NCAPH: variants seen among roughly 807,000 people sequenced by gnomAD.
The protein encoded by NCAPH is non-SMC condensin I complex subunit H.
NCAPH carries 38 observed loss-of-function variants against 85.5 expected under a neutral mutation model. The observed-to-expected ratio is 0.44, with a 90% confidence interval of 0.34 to 0.58. The LOEUF (loss-of-function observed/expected upper bound fraction) is 0.58. Ranked by LOEUF, NCAPH falls within the 20% of genes least tolerant of loss-of-function variation. The pLI, the probability that NCAPH is intolerant of heterozygous loss-of-function variation, is 0.01. For missense variants in NCAPH, 789 were observed against 916.6 expected (o/e 0.86, Z 1.80); for synonymous variants, 301 against 335.1 (o/e 0.90, Z 1.11).
At position 96,354,401 on chromosome 2, in the gene NCAPH, G is replaced by A; in HGVS notation, c.1208+13G>A. On this transcript the variant is annotated intron_variant, in intron 9 of 17. Transcript: ENST00000240423. ...TTCAGAGCTGCCAGTAAGGCTCTCA[G>A]AGTCCGAAAGTGTTTCTATAGGAGT... 1.3e-6 allele frequency: 2 copies of A among 1,523,150 alleles called. No individual in the cohort carries two copies. The highest frequency in any genetic ancestry group is 8.8e-7 in the Non-Finnish European group (1 of 1,133,798). 94.4% of individuals were successfully genotyped at this position (1,523,150 alleles called of 1,614,324 possible).
At chr2:96,364,011 C>T (rs1363032971) in intron 12 of NCAPH, among the ~76,000 whole-genome samples, 2 of 152,030 alleles carry the variant, frequency 1.3e-5, no homozygotes, top group African/African-American at 2.4e-5. Flanking sequence ...TGTTGCCCAA[C>T]GCTAGTCTCA....
Position 96,345,629 on chromosome 2 carries a change from C to T in NCAPH, c.720+1400C>T, listed in dbSNP as rs557536137. ...GCAAAGCTGAATGTCCCAGACCCTG[C>T]ATCACAGCCAAGGAGAGAGGGTAGG... On this transcript the variant is annotated intron_variant, in intron 6 of 17. Transcript: ENST00000240423. Among the ~76,000 whole-genome samples the T allele has an allele frequency of 1.8e-4, 27 of 152,284 alleles. No individual in the cohort carries two copies. The South Asian group carries it at 5.2e-3, about 29-fold the overall frequency.
chr2:96,345,188 A>G (rs1274639094), intron 6 of NCAPH, among the ~76,000 whole-genome samples: 1 of 152,150 alleles, frequency 6.6e-6, no homozygotes, highest in African/African-American at 2.4e-5. Flanking sequence ...AAATGAGAAA[A>G]TATTTCAGGG....
chr2:96,371,639 G>A (rs139988234), intron 17 of NCAPH, among the ~76,000 whole-genome samples: 22 of 152,252 alleles, frequency 1.4e-4, no homozygotes, highest in African/African-American at 5.1e-4. Flanking sequence ...AGAATGGTGG[G>A]TGGCTACAGC....
intron 1 of NCAPH, among the ~76,000 whole-genome samples, chr2:96,340,015 C>T (rs1387026891): frequency 2.0e-5 from 3 of 152,106 alleles, no homozygotes; most frequent in Non-Finnish European, 2.9e-5. Context: ...CTCCGTCTCC[C>T]GGGTTCAAGC....
chr2:96,355,335 C>T (rs924482886), intron 9 of NCAPH, among the ~76,000 whole-genome samples: 5 of 152,134 alleles, frequency 3.3e-5, no homozygotes, highest in Admixed American at 6.5e-5. Flanking sequence ...ACTCCTATGT[C>T]TGTAACAGAG....
rs1421261286 is a variant in NCAPH at position 96,344,201 on chromosome 2, A to G, written c.692A>G (p.Asn231Ser). Residue 231 changes from asparagine (N) to serine (S), a missense_variant, in exon 6 of 18, where the codon AAT becomes AGT. Physicochemically the swap from Asn to Ser is conservative, Grantham distance 46 (BLOSUM62 1). Coordinates refer to ENST00000240423, the MANE Select transcript of NCAPH (RefSeq NM_015341.5). ...ATTGAGCAGAACATAAACAACCTCA[A>G]TGTCTCCGAAGCAGATCGGAAGTGT... ...RTIEQNINNLNVSEADRKCEI... is the reference protein window; with the variant it reads ...RTIEQNINNLSVSEADRKCEI... The G allele has an allele frequency of 1.6e-5, 25 of 1,612,688 alleles. No individual in the cohort carries two copies. The highest frequency in any genetic ancestry group is 2.7e-5 in the African/African-American group (2 of 74,852).
At position 96,374,579 on chromosome 2, in the gene NCAPH, C is replaced by T. The variant is rs2064812537; in HGVS notation, c.*1228C>T. 6.6e-6 allele frequency among the ~76,000 whole-genome samples: 1 copy of T among 152,118 alleles called. No individual in the cohort carries two copies. Among genetic ancestry groups the T allele is most frequent in the South Asian group, 2.1e-4 (1 of 4,832 alleles). ...GGAAATTGCTCCTGATAATAACTTC[C>T]TTCTTAGCCAAAAACCACACAAAAC... On this transcript the variant is annotated 3_prime_UTR_variant, in exon 18 of 18. Transcript: ENST00000240423.
intron 12 of NCAPH, among the ~76,000 whole-genome samples, chr2:96,363,024 T>C (rs6737429): frequency 0.32 from 48,104 of 152,088 alleles, 8,142 homozygotes; most frequent in South Asian, 0.69. Context: ...TTGATTGATG[T>C]AGCAAACTTC....
rs2064817880 is a variant in NCAPH at position 96,375,042 on chromosome 2, A to T, written c.*1691A>T. 2.0e-5 allele frequency among the ~76,000 whole-genome samples: 3 copies of T among 151,964 alleles called. No individual in the cohort carries two copies. The highest frequency in any genetic ancestry group is 4.4e-5 in the Non-Finnish European group (3 of 67,912). ...TGGGCAAAATAGAACCCCATCTTTA[A>T]AAAAAAAGTTTAAAAATTAGCCAGG... On this transcript the variant is annotated 3_prime_UTR_variant, in exon 18 of 18. Coordinates refer to ENST00000240423, the MANE Select transcript of NCAPH (RefSeq NM_015341.5).
At chr2:96,350,497 G>A (rs772152) in intron 6 of NCAPH, among the ~76,000 whole-genome samples, 88,635 of 151,664 alleles carry the variant, frequency 0.58, 27,088 homozygotes, top group South Asian at 0.87. Context: ...TTAGGATGGG[G>A]AAAAAAAATA....
chr2:96,364,639 G>A (rs367830162), intron 13 of NCAPH, 48 bp downstream of exon 13: 78 of 1,339,280 alleles, frequency 5.8e-5, no homozygotes, highest in African/African-American at 8.8e-5. Context: ...CCAGGGAGTC[G>A]TTTTTCTCTG....
rs779673173 is a variant in NCAPH, at chr2:96,373,358, T to C, written c.*7T>C. ...TGTGAGGCAAGGAGATTGAGTTCACTATGGAGAAGTCAGCAGCAGGAGGCC... is the reference window on the plus strand; with the variant it reads ...TGTGAGGCAAGGAGATTGAGTTCACCATGGAGAAGTCAGCAGCAGGAGGCC... On this transcript the variant is annotated 3_prime_UTR_variant, in exon 18 of 18. Transcript: ENST00000240423. 7 of 1,612,700 alleles carry C rather than the reference T, an allele frequency of 4.3e-6. No homozygotes were observed. The Admixed American group carries it at 1.2e-4, about 27-fold the overall frequency.
At chr2:96,344,323 CT>C in intron 6 of NCAPH, 94 bp downstream of exon 6, 1 of 1,416,978 alleles carries the variant, frequency 7.1e-7, no homozygotes, top group Non-Finnish European at 9.4e-7. Context: ...TGGTATGTGC[CT>C]GTTTAAGCCT....
At position 96,354,383 on chromosome 2, in the gene NCAPH, C is replaced by T. The variant is rs2064493297; in HGVS notation, c.1203C>T (p.Ser401=). ...RSWKEPCQVQ[S]CQEEMISLGD... ...GGAAGGAGCCCTGCCAGGTTCAGAG[C>T]TGCCAGTAAGGCTCTCAGAGTCCGA... The change falls in exon 9 of 18, where the codon AGC becomes AGT. Residue 401 remains serine, a synonymous_variant. Transcript: ENST00000240423. 1.3e-6 allele frequency: 2 copies of T among 1,584,386 alleles called. No homozygotes were observed. Among genetic ancestry groups the T allele is most frequent in the Non-Finnish European group, 1.7e-6 (2 of 1,163,228 alleles).
chr2:96,357,954 G>A (rs1573084047), intron 9 of NCAPH, among the ~76,000 whole-genome samples: 1 of 152,150 alleles, frequency 6.6e-6, no homozygotes, highest in South Asian at 2.1e-4. Context: ...AGCCCTTTAG[G>A]AGAAAGCTTG....
chr2:96,338,241 G>GAAA lies in NCAPH; in HGVS notation c.19+2413_19+2415dup, dbSNP rs34560390. Among the ~76,000 whole-genome samples, 288 of 80,588 alleles carry GAAA rather than the reference G, an allele frequency of 3.6e-3. 7 individuals carry two copies. The highest frequency in any genetic ancestry group is 0.016 in the South Asian group (27 of 1,656). 52.9% of individuals were successfully genotyped at this position (80,588 alleles called of 152,430 possible). The stretch of plus-strand genomic sequence containing the variant: ...CCTTGTTTTTACTTCCTATTTTATT[G>GAAA]AAAAAAAAAAAAAAAAAAAAAAGCA... On this transcript the variant is annotated intron_variant, in intron 1 of 17. Transcript: ENST00000240423.
chr2:96,360,701 A>G lies in NCAPH; in HGVS notation c.1578A>G (p.Pro526=). 6.2e-7 allele frequency: 1 copy of G among 1,614,136 alleles called. No individual in the cohort carries two copies. The highest frequency in any genetic ancestry group is 2.2e-5 in the East Asian group (1 of 44,874). ...VDTLVQLHLK[P]GTRLLKMAQG... ...CTCTGGTCCAGCTTCACCTCAAACC[A>G]GGCACCAGGGTAAGCCTATTTCTTG... is the stretch of plus-strand genomic sequence containing the variant. Residue 526 remains proline (P), a synonymous_variant, in exon 12 of 18, where the codon CCA becomes CCG. Transcript: ENST00000240423.
intron 6 of NCAPH, among the ~76,000 whole-genome samples, chr2:96,350,508 G>T (rs2064425601): frequency 1.3e-5 from 2 of 152,088 alleles, no homozygotes; most frequent in Admixed American, 1.3e-4. Flanking sequence ...AAAAAAAATA[G>T]GTATTTTTAG....
Sources: gnomAD v4.1 joint callset for allele counts (sites outside exome capture counted in the v4.1 genomes callset) on GRCh38, gnomAD v4.1.1 for gene constraint, MANE v1.5 for transcripts, NCBI Gene and HGNC (gene_info 2026-07-23, HGNC 2026-07-21) for gene names.